Variants in LRRC71 observed in about 807,000 individuals in gnomAD.
LRRC71 encodes the protein leucine-rich repeat-containing protein 71.
LRRC71 carries 54 observed loss-of-function variants against 66.6 expected under a neutral mutation model. That is an observed-to-expected ratio of 0.81 (90% CI 0.65 to 1.02). LRRC71 has a LOEUF of 1.02. Among genes scored for constraint, LRRC71 ranks in the 50% least tolerant of loss-of-function variants. The pLI, the probability that LRRC71 is intolerant of heterozygous loss-of-function variation, is 0.00. For missense variants in LRRC71, 724 were observed against 718.0 expected (o/e 1.01, Z -0.10); for synonymous variants, 323 against 303.9 (o/e 1.06, Z -0.65).
chr1:156,924,534 A>G lies in LRRC71; in HGVS notation c.421A>G (p.Lys141Glu). The change falls in exon 3 of 15, where the codon AAG becomes GAG. Residue 141 changes from lysine to glutamate, a missense_variant. By Grantham distance (56) the Lys-to-Glu change is moderately conservative. Coordinates refer to ENST00000337428, the MANE Select transcript of LRRC71 (RefSeq NM_144702.3). ...GGAGCAGGAGGACAGCAAGTCAGTG[A>G]AGGAAATCTACATCCGCGGTGAGCC... ...ELEQEDSKSV[K>E]EIYIRGWKVE... The G allele has an allele frequency of 6.4e-7, 1 of 1,551,558 alleles. No homozygotes were observed.
chr1:156,932,254 GGA>G (rs1452432923), intron 13 of LRRC71, 168 bp from the exon 14 acceptor site: 1 of 669,946 alleles, frequency 1.5e-6, no homozygotes, highest in Non-Finnish European at 2.6e-6. Context: ...AGAGAGATGG[GGA>G]GTGTGTGAGT....
Position 156,932,879 on chromosome 1 carries a change from T to C in LRRC71, c.1590T>C (p.Pro530=). 1 of 1,609,364 alleles carries C rather than the reference T, an allele frequency of 6.2e-7. No homozygotes were observed. The highest frequency in any genetic ancestry group is 8.5e-7 in the Non-Finnish European group (1 of 1,177,990). ...LAKNCFAPQC[P]AYAIIQELML... ...AAAATTGCTTCGCCCCACAATGTCC[T>C]GCGTACGCCATAATCCAGGAGCTGA... Residue 530 remains proline, a synonymous_variant, in exon 15 of 15, where the codon CCT becomes CCC. Transcript: ENST00000337428.
intron 1 of LRRC71, among the ~76,000 whole-genome samples, chr1:156,921,941 C>T (rs79188439): frequency 2.6e-5 from 4 of 152,094 alleles, no homozygotes; most frequent in Non-Finnish European, 5.9e-5. Flanking sequence ...TAAGAGTTGG[C>T]GAAGGACTGG....
In LRRC71 at chr1:156,929,456, G is replaced by A. The variant is rs181591181; in HGVS notation, c.1146+27G>A. ...TAGGTGTGCAATGGGACAGATCCTG[G>A]GTGCTGGACGGACAGGGGAGGGGGC... On this transcript the variant is annotated intron_variant, in intron 10 of 14. Coordinates refer to ENST00000337428, the MANE Select transcript of LRRC71 (RefSeq NM_144702.3). 5.6e-3 allele frequency: 9,101 copies of A among 1,613,570 alleles called. 27 individuals carry two copies. The highest frequency in any genetic ancestry group is 7.1e-3 in the Non-Finnish European group (8,389 of 1,179,668).
intron 9 of LRRC71, among the ~76,000 whole-genome samples, chr1:156,928,386 C>CTTCTTCTTCTTCTTCTT (rs1458388933): frequency 7.4e-6 from 1 of 135,824 alleles, no homozygotes; most frequent in African/African-American, 3.1e-5. Context: ...TCTTCTTCTT[C>CTTCTTCTTCTTCTTCTT]TTCTTCTTCT....
the LRRC71 span, chr1:156,940,358 G>A: frequency 1.2e-6 from 2 of 1,613,674 alleles, no homozygotes; most frequent in Non-Finnish European, 1.7e-6. Flanking sequence ...CCTCTGCACT[G>A]CCCTCCTGCT....
At position 156,927,950 on chromosome 1, in the gene LRRC71, G is replaced by A. The variant is rs1392743769; in HGVS notation, c.942G>A (p.Val314=). 1.2e-6 allele frequency: 2 copies of A among 1,611,872 alleles called. No individual in the cohort carries two copies. The highest frequency in any genetic ancestry group is 8.5e-7 in the Non-Finnish European group (1 of 1,179,312). ...CCTTCGAGCTGACACACACCGAAGT[G>A]GTGGAGCGCCGACGCCTCCTGCTGG... The part of the protein sequence containing the change: ...LRAFELTHTE[V]VERRRLLLEK... The change falls in exon 9 of 15, where the codon GTG becomes GTA. Residue 314 remains valine (V), a synonymous_variant. Transcript: ENST00000337428.
At chr1:156,937,463 G>C, downstream of LRRC71, 1 of 1,536,334 alleles carries the variant, frequency 6.5e-7, no homozygotes, top group Non-Finnish European at 8.7e-7. Flanking sequence ...TGAGTCCGGG[G>C]GTCCTGATGG....
downstream of LRRC71, among the ~76,000 whole-genome samples, chr1:156,936,527 A>ATATAT (rs1655360359): frequency 4.0e-5 from 4 of 100,824 alleles, no homozygotes; most frequent in Non-Finnish European, 6.0e-5. Context: ...TATATATATA[A>ATATAT]AATTAAAAAA....
chr1:156,926,435 C>T (rs1383457094), intron 5 of LRRC71, among the ~76,000 whole-genome samples: 5 of 152,150 alleles, frequency 3.3e-5, no homozygotes, highest in Non-Finnish European at 1.5e-5. Context: ...TGGCAGCTGG[C>T]CAGCTGAGAG....
downstream of LRRC71, chr1:156,937,597 A>T (rs1272072591): frequency 1.5e-5 from 19 of 1,303,740 alleles, no homozygotes; most frequent in Non-Finnish European, 1.9e-5. Flanking sequence ...AGAGCAGGCC[A>T]GGCAGTCCTC....
chr1:156,937,212 TG>T (rs1221946204), downstream of LRRC71: 2 of 1,612,660 alleles, frequency 1.2e-6, no homozygotes, highest in Admixed American at 3.3e-5. Flanking sequence ...GGTGATGGAC[TG>T]AAGGCCTGCA....
intron 4 of LRRC71, 83 bp from the exon 5 acceptor site, chr1:156,924,855 C>A: frequency 2.6e-6 from 4 of 1,517,046 alleles, no homozygotes; most frequent in Non-Finnish European, 3.6e-6. Context: ...GGAAGGGCAC[C>A]GCTGGGAGAA....
chr1:156,938,419 C>T, the LRRC71 span: 45 of 1,613,300 alleles, frequency 2.8e-5, no homozygotes, highest in South Asian at 9.9e-5. Context: ...AGTTATTACC[C>T]GTAGCCTTTG....
chr1:156,938,479 T>C, the LRRC71 span: 2 of 1,613,602 alleles, frequency 1.2e-6, no homozygotes, highest in South Asian at 2.2e-5. Flanking sequence ...CACTCTCTGG[T>C]AGTGCAGGGA....
At chr1:156,940,182 G>A in the LRRC71 span, 1 of 1,543,232 alleles carries the variant, frequency 6.5e-7, no homozygotes, top group South Asian at 1.3e-5. Flanking sequence ...ACCAGGGGCT[G>A]ACGGCAGGGC....
At position 156,920,858 on chromosome 1, in the gene LRRC71, A is replaced by C. The variant is rs1360023770; in HGVS notation, c.55A>C (p.Thr19Pro). ...GASPRAPRPG[T>P]QKSSGAVTKK... ...CTCACCCAGGGCCCCGCGTCCGGGG[A>C]CCCAGAAGTCTTCTGGCGCGGTGAC... Residue 19 changes from threonine (T) to proline (P), a missense_variant, in exon 1 of 15, where the codon ACC becomes CCC. Physicochemically the swap from Thr to Pro is conservative, Grantham distance 38 (BLOSUM62 -1). Transcript: ENST00000337428. This position sits in a 1 kb window ranked among gnomAD's most constrained non-coding sequence, Gnocchi z 4.9. 7.1e-6 allele frequency: 11 copies of C among 1,541,074 alleles called. No homozygotes were observed. Among genetic ancestry groups the C allele is most frequent in the Non-Finnish European group, 9.6e-6 (11 of 1,142,736 alleles).
chr1:156,933,750 C>T (rs1011424306), downstream of LRRC71, among the ~76,000 whole-genome samples: 3 of 152,182 alleles, frequency 2.0e-5, no homozygotes, highest in African/African-American at 4.8e-5. Flanking sequence ...GGACTGGCTT[C>T]GGGGAGCCTA....
intron 2 of LRRC71, 147 bp downstream of exon 2, chr1:156,924,245 GGA>G (rs1652843052): frequency 7.3e-6 from 9 of 1,239,574 alleles, no homozygotes; most frequent in Non-Finnish European, 8.9e-6. Flanking sequence ...GGGAGGTGGG[GGA>G]GTCTCCCGTC....
Sources: gnomAD v4.1 joint callset for allele counts (sites outside exome capture counted in the v4.1 genomes callset) on GRCh38, gnomAD v4.1.1 for gene constraint, Gnocchi (gnomAD v3.1) non-coding constraint, MANE v1.5 for transcripts, NCBI Gene and HGNC (gene_info 2026-07-23, HGNC 2026-07-21) for gene names.